Variants in OR6N1 observed in about 807,000 individuals in gnomAD.
OR6N1 encodes the protein olfactory receptor family 6 subfamily N member 1.
For synonymous variants in OR6N1, 170 were observed against 150.7 expected, an observed-to-expected ratio of 1.13 and a Z score of -0.94; for missense variants, 394 against 371.7, an observed-to-expected ratio of 1.06 and a Z score of -0.49.
At chr1:158,774,846 T>C (rs1415518313), upstream of OR6N1, 1 of 152,142 alleles carries the variant, frequency 6.6e-6, no homozygotes, top group East Asian at 1.9e-4. Flanking sequence ...TGCAGAAAAC[T>C]GGTGAGTACA....
the OR6N1 span, among the ~76,000 whole-genome samples, chr1:158,784,911 A>G: frequency 6.6e-6 from 1 of 152,230 alleles, no homozygotes; most frequent in African/African-American, 2.4e-5. Flanking sequence ...TAAAATCAGT[A>G]TATCAAAGAA....
At chr1:158,802,198 ACTT>A in the OR6N1 span, among the ~76,000 whole-genome samples, 1 of 119,444 alleles carries the variant, frequency 8.4e-6, no homozygotes, top group African/African-American at 3.4e-5. Flanking sequence ...CCCTCATAGC[ACTT>A]TTTTTTTTTT....
chr1:158,774,957 G>A (rs1326877475), upstream of OR6N1: 3 of 152,002 alleles, frequency 2.0e-5, no homozygotes, highest in African/African-American at 7.3e-5. Context: ...ACCAGGTGTG[G>A]GTAAAATTCA....
chr1:158,826,257 C>A, the OR6N1 span, among the ~76,000 whole-genome samples: 5 of 152,032 alleles, frequency 3.3e-5, no homozygotes, highest in Non-Finnish European at 7.4e-5. Flanking sequence ...TGTACACATA[C>A]CCCTGAACCT....
At chr1:158,828,205 T>G in the OR6N1 span, among the ~76,000 whole-genome samples, 2 of 152,240 alleles carry the variant, frequency 1.3e-5, no homozygotes, top group East Asian at 3.9e-4. Flanking sequence ...ATCTCATATC[T>G]TCACATTTCA....
Position 158,765,676 on chromosome 1 carries a change from C to T in OR6N1, c.*68G>A, listed in dbSNP as rs1367640687. On this transcript the variant is annotated 3_prime_UTR_variant, in exon 2 of 2. Coordinates refer to ENST00000641846, the MANE Select transcript of OR6N1 (RefSeq NM_001005185.2). ...GCACTGAATTTTTAGTTTCTCGTCTCTGGCCACTGTTGATCCCTGGGGCCA... is the reference window on the plus strand; with the variant it reads ...GCACTGAATTTTTAGTTTCTCGTCTTTGGCCACTGTTGATCCCTGGGGCCA... 17 of 1,296,486 alleles carry T rather than the reference C, an allele frequency of 1.3e-5. No individual in the cohort carries two copies. Among genetic ancestry groups the T allele is most frequent in the Non-Finnish European group, 2.2e-6 (2 of 924,146 alleles). The allele number at this position is 1,296,486 out of a possible 1,614,324, so 80.3% of individuals were successfully genotyped here. A position where few individuals can be genotyped will look rare whatever the true frequency, so the allele number is the denominator to read the frequency against.
At chr1:158,813,697 CTTTT>C in the OR6N1 span, among the ~76,000 whole-genome samples, 1 of 78,614 alleles carries the variant, frequency 1.3e-5, no homozygotes, top group Admixed American at 1.7e-4. Context: ...TATGTATGGT[CTTTT>C]TTTTTTTTTT....
the OR6N1 span, among the ~76,000 whole-genome samples, chr1:158,794,356 G>T: frequency 6.6e-6 from 1 of 152,128 alleles, no homozygotes; most frequent in Non-Finnish European, 1.5e-5. Context: ...CTTAAGGCCT[G>T]CAATATGGCC....
the OR6N1 span, chr1:158,781,323 G>C: frequency 6.6e-6 from 1 of 152,310 alleles, no homozygotes; most frequent in East Asian, 1.9e-4. Context: ...TTTGCCACAA[G>C]TGGCAGAAGG....
At chr1:158,778,532 C>T in the OR6N1 span, among the ~76,000 whole-genome samples, 1 of 152,178 alleles carries the variant, frequency 6.6e-6, no homozygotes, top group Non-Finnish European at 1.5e-5. Context: ...GCTTTAAGAC[C>T]TTAGCTCCAT....
chr1:158,785,175 G>GT, the OR6N1 span, among the ~76,000 whole-genome samples: 7 of 152,224 alleles, frequency 4.6e-5, no homozygotes, highest in African/African-American at 1.7e-4. Flanking sequence ...CTTCTTTGGA[G>GT]AATTTTTTAT....
intron 1 of OR6N1, among the ~76,000 whole-genome samples, chr1:158,771,484 G>T (rs1474877806): frequency 6.6e-6 from 1 of 152,090 alleles, no homozygotes; most frequent in African/African-American, 2.4e-5. Flanking sequence ...TGGAATCAGG[G>T]CTCTCATAAA....
At chr1:158,828,843 C>T in the OR6N1 span, among the ~76,000 whole-genome samples, 22 of 152,324 alleles carry the variant, frequency 1.4e-4, no homozygotes, top group African/African-American at 5.1e-4. Context: ...CCAGTAGTTT[C>T]CATACATCTT....
upstream of OR6N1, chr1:158,777,016 A>G (rs1255626935): frequency 6.2e-7 from 1 of 1,614,190 alleles, no homozygotes; most frequent in African/African-American, 1.3e-5. Flanking sequence ...AGTGATAAGA[A>G]TTATGAAAGC....
intron 1 of OR6N1, among the ~76,000 whole-genome samples, chr1:158,770,008 A>G (rs934330935): frequency 1.3e-5 from 2 of 152,124 alleles, no homozygotes; most frequent in South Asian, 2.1e-4. Context: ...TAGATGTTCT[A>G]TATTCCTTCC....
upstream of OR6N1, chr1:158,776,655 G>A (rs1558035406): frequency 7.4e-7 from 1 of 1,347,236 alleles, no homozygotes; most frequent in East Asian, 2.3e-5. Context: ...ATTGAACATT[G>A]AGGTGAGAAA....
At chr1:158,801,381 T>C in the OR6N1 span, among the ~76,000 whole-genome samples, 547 of 152,112 alleles carry the variant, frequency 3.6e-3, 1 homozygote, top group Non-Finnish European at 5.5e-3. Context: ...TCTGTCAAAG[T>C]CAGAACTGCA....
At chr1:158,782,024 T>G in the OR6N1 span, among the ~76,000 whole-genome samples, 13 of 152,288 alleles carry the variant, frequency 8.5e-5, no homozygotes, top group African/African-American at 3.1e-4. Context: ...GATCATCACC[T>G]CTAAGCTCCA....
At chr1:158,787,454 C>G in the OR6N1 span, among the ~76,000 whole-genome samples, 5 of 152,110 alleles carry the variant, frequency 3.3e-5, no homozygotes, top group Admixed American at 3.3e-4. Context: ...ATGTAGCCAT[C>G]AGCAATATGT....
Sources: gnomAD v4.1 joint callset for allele counts (sites outside exome capture counted in the v4.1 genomes callset) on GRCh38, gnomAD v4.1.1 for gene constraint, MANE v1.5 for transcripts, NCBI Gene and HGNC (gene_info 2026-07-23, HGNC 2026-07-21) for gene names.